Variants in ST8SIA1 observed in about 807,000 individuals in gnomAD.
ST8SIA1 encodes the protein alpha-N-acetylneuraminide alpha-2,8-sialyltransferase.
In ST8SIA1, 16 loss-of-function variants were observed where a neutral mutation model predicts 35.9. That is an observed-to-expected ratio of 0.45 (90% CI 0.30 to 0.68). The LOEUF (loss-of-function observed/expected upper bound fraction) is 0.68. Ranked by LOEUF, ST8SIA1 falls within the 30% of genes least tolerant of loss-of-function variation. The probability of loss-of-function intolerance (pLI) is 0.09; values close to 1 mark genes in which losing one functional copy is unlikely to be tolerated. For synonymous variants in ST8SIA1, 170 were observed against 169.6 expected (o/e 1.00, Z -0.02); for missense variants, 383 against 453.6 (o/e 0.84, Z 1.41).
intron 4 of ST8SIA1, among the ~76,000 whole-genome samples, chr12:22,241,335 C>A (rs115329511): frequency 0.013 from 2,024 of 152,198 alleles, 55 homozygotes; most frequent in African/African-American, 0.046. Flanking sequence ...TTAGTACCAT[C>A]CCCTTGGTGC....
At chr12:22,252,691 A>C (rs868151786) in intron 3 of ST8SIA1, among the ~76,000 whole-genome samples, 5 of 152,168 alleles carry the variant, frequency 3.3e-5, no homozygotes, top group Non-Finnish European at 2.9e-5. Flanking sequence ...GAACTTGACT[A>C]TATCAACACC....
At chr12:22,296,783 G>C (rs928259542) in intron 1 of ST8SIA1, among the ~76,000 whole-genome samples, 7 of 152,140 alleles carry the variant, frequency 4.6e-5, no homozygotes, top group African/African-American at 1.7e-4. Context: ...GAGCATAGGG[G>C]TGGGCAGGTC....
intron 2 of ST8SIA1, among the ~76,000 whole-genome samples, chr12:22,266,055 G>A (rs531438178): frequency 1.3e-5 from 2 of 151,886 alleles, no homozygotes; most frequent in East Asian, 1.9e-4. Context: ...ACCATTTTAC[G>A]CACCTGTGTT....
At chr12:22,223,528 T>C (rs1591827785) in intron 4 of ST8SIA1, 1 of 1,020,486 alleles carries the variant, frequency 9.8e-7, no homozygotes, top group South Asian at 3.5e-5. Context: ...GTGTGAGTCC[T>C]GACTTCTGAA....
chr12:22,217,531 G>A (rs2120652702), intron 4 of ST8SIA1, among the ~76,000 whole-genome samples: 1 of 152,252 alleles, frequency 6.6e-6, no homozygotes, highest in Middle Eastern at 3.4e-3. Flanking sequence ...AAGCCTGTAT[G>A]TCCCGCCTTT....
chr12:22,264,896 T>C (rs1478964844), intron 2 of ST8SIA1, among the ~76,000 whole-genome samples: 1 of 152,250 alleles, frequency 6.6e-6, no homozygotes, highest in Non-Finnish European at 1.5e-5. Context: ...GGATGCTTCT[T>C]TGGAAATTGA....
intron 1 of ST8SIA1, among the ~76,000 whole-genome samples, chr12:22,301,014 T>C (rs988203991): frequency 3.9e-5 from 6 of 152,156 alleles, no homozygotes; most frequent in African/African-American, 1.4e-4. Context: ...ATCATTCTGA[T>C]ATGACTTAGT....
intron 2 of ST8SIA1, among the ~76,000 whole-genome samples, chr12:22,270,461 C>T (rs2135805780): frequency 6.6e-6 from 1 of 152,280 alleles, no homozygotes; most frequent in South Asian, 2.1e-4. Context: ...TTCCTACGCA[C>T]TTTCCTTAAA....
chr12:22,287,375 TG>T, intron 1 of ST8SIA1, 82 bp from the exon 2 acceptor site: 2 of 1,453,282 alleles, frequency 1.4e-6, no homozygotes, highest in Non-Finnish European at 1.9e-6. Context: ...CCCACAGAGA[TG>T]TGCCACCTTA....
chr12:22,324,946 T>C (rs940312920), intron 1 of ST8SIA1: 1 of 152,152 alleles, frequency 6.6e-6, no homozygotes, highest in South Asian at 2.1e-4. Context: ...ATGAGAAAAT[T>C]CTAAAGGTAT....
chr12:22,288,889 TTTG>T (rs1197948421), intron 1 of ST8SIA1, among the ~76,000 whole-genome samples: 4 of 152,164 alleles, frequency 2.6e-5, no homozygotes, highest in South Asian at 2.1e-4. Flanking sequence ...TTCTTTGTTG[TTTG>T]TTGTTGTTGT....
intron 1 of ST8SIA1, among the ~76,000 whole-genome samples, chr12:22,289,614 G>T (rs1038562045): frequency 6.6e-6 from 1 of 152,152 alleles, no homozygotes; most frequent in Non-Finnish European, 1.5e-5. Context: ...TTTATCTCAG[G>T]TCACGTAACT....
intron 2 of ST8SIA1, among the ~76,000 whole-genome samples, chr12:22,267,080 T>C (rs966906456): frequency 6.6e-6 from 1 of 152,204 alleles, no homozygotes; most frequent in African/African-American, 2.4e-5. Context: ...GGCAAGTATT[T>C]ATTGAGTGCC....
At chr12:22,238,827 A>C (rs1446504109) in intron 4 of ST8SIA1, among the ~76,000 whole-genome samples, 2 of 152,142 alleles carry the variant, frequency 1.3e-5, no homozygotes, top group South Asian at 4.1e-4. Flanking sequence ...TTAGCAATTC[A>C]TTTGCATCCC....
intron 4 of ST8SIA1, among the ~76,000 whole-genome samples, chr12:22,237,256 T>C (rs1220116446): frequency 6.6e-6 from 1 of 152,062 alleles, no homozygotes; most frequent in Non-Finnish European, 1.5e-5. Flanking sequence ...CATGTCTGGC[T>C]AATTTTTTAT....
At chr12:22,212,092 T>C (rs1865181874) in intron 4 of ST8SIA1, among the ~76,000 whole-genome samples, 1 of 152,216 alleles carries the variant, frequency 6.6e-6, no homozygotes, top group South Asian at 2.1e-4. Flanking sequence ...ATTCTTATAA[T>C]GTTGTCTGTG....
At chr12:22,232,007 T>C (rs1176633223) in intron 4 of ST8SIA1, among the ~76,000 whole-genome samples, 1 of 152,176 alleles carries the variant, frequency 6.6e-6, no homozygotes, top group East Asian at 1.9e-4. Context: ...GTTATTCTCA[T>C]AGGAACCACA....
intron 2 of ST8SIA1, among the ~76,000 whole-genome samples, chr12:22,270,757 C>T (rs145804951): frequency 1.1e-3 from 161 of 152,188 alleles, no homozygotes; most frequent in African/African-American, 3.0e-3. Context: ...TTCACTGCTA[C>T]GCAGTATATC....
chr12:22,248,986 C>T lies in ST8SIA1; in HGVS notation c.584+20G>A, dbSNP rs761516017. On this transcript the variant is annotated intron_variant, in intron 4 of 4. Transcript: ENST00000396037. ...AGACTTCATCTTCGTTCGTCACAAA[C>T]AGAAGTCATAAACTCTTACCTTTGC... is the stretch of plus-strand genomic sequence containing the variant. 2.5e-6 allele frequency: 4 copies of T among 1,573,506 alleles called. No homozygotes were observed. In the East Asian group the frequency reaches 9.0e-5, roughly 35 times the overall value.
Sources: gnomAD v4.1 joint callset for allele counts (sites outside exome capture counted in the v4.1 genomes callset) on GRCh38, gnomAD v4.1.1 for gene constraint, MANE v1.5 for transcripts, NCBI Gene and HGNC (gene_info 2026-07-23, HGNC 2026-07-21) for gene names.